FRY: variants seen among roughly 807,000 people sequenced by gnomAD.
The protein encoded by FRY is FRY microtubule binding protein.
Under a neutral mutation model 348.4 loss-of-function variants are expected in FRY, and 128 were observed. The observed-to-expected ratio is 0.37, with a 90% confidence interval of 0.32 to 0.43. The LOEUF is 0.43. FRY is among the 20% of genes least tolerant of loss of function. FRY has a pLI of 1.00. For missense variants in FRY, 2,736 were observed against 3,695.2 expected (o/e 0.74, Z 6.73); for synonymous variants, 1,370 against 1,374.7 (o/e 1.00, Z 0.08).
Position 32,291,509 on chromosome 13 carries a change from G to A in FRY, c.8580+1766G>A, listed in dbSNP as rs144406612. 4.1e-4 allele frequency among the ~76,000 whole-genome samples: 62 copies of A among 151,522 alleles called. 2 individuals carry two copies. The highest frequency in any genetic ancestry group is 2.1e-3 in the South Asian group (10 of 4,790). ...CAACCTCCGCCTCCCAGGTTCAAGC[G>A]ATTCTCCTGCCTCAGTCTCCTGAGT... On this transcript the variant is annotated intron_variant, in intron 59 of 60. Transcript: ENST00000542859.
intron 53 of FRY, among the ~76,000 whole-genome samples, chr13:32,262,955 A>G (rs1887740535): frequency 6.6e-6 from 1 of 152,258 alleles, no homozygotes; most frequent in African/African-American, 2.4e-5. Flanking sequence ...TTTTAATGTC[A>G]ATCACAGTCT....
In FRY at chr13:32,037,317, T is replaced by C. The variant is rs1339917752; in HGVS notation, c.70+5452T>C. Among the ~76,000 whole-genome samples, 3 of 152,374 alleles carry C rather than the reference T, an allele frequency of 2.0e-5. No individual in the cohort carries two copies. The East Asian group carries it at 5.8e-4, about 29-fold the overall frequency. On this transcript the variant is annotated intron_variant, in intron 1 of 60. Coordinates refer to ENST00000542859, the MANE Select transcript of FRY (RefSeq NM_023037.3). Reference sequence around the variant, plus strand: ...AAAAAAGCATGAATGATGTTTACTTTAGAATGGTAGTTTGCTTGCCTTGCT... The same window carrying C: ...AAAAAAGCATGAATGATGTTTACTTCAGAATGGTAGTTTGCTTGCCTTGCT...
At chr13:32,241,870 T>C (rs1886526756) in intron 46 of FRY, among the ~76,000 whole-genome samples, 1 of 152,252 alleles carries the variant, frequency 6.6e-6, no homozygotes, top group Non-Finnish European at 1.5e-5. Flanking sequence ...AAGGTCCCAC[T>C]GTATATAATA....
At chr13:32,080,816 C>A (rs557562354) in intron 2 of FRY, among the ~76,000 whole-genome samples, 1 of 152,172 alleles carries the variant, frequency 6.6e-6, no homozygotes, top group Admixed American at 6.5e-5. Flanking sequence ...ACCCTGTAGC[C>A]CTAGAAAAGT....
chr13:32,056,648 C>T (rs1472187996), intron 1 of FRY, among the ~76,000 whole-genome samples: 1 of 152,124 alleles, frequency 6.6e-6, no homozygotes, highest in Non-Finnish European at 1.5e-5. Flanking sequence ...CTCCTTGTCT[C>T]TGAAAGTTTT....
chr13:32,106,099 AAATAT>A (rs1353906076), intron 3 of FRY, among the ~76,000 whole-genome samples: 15 of 148,166 alleles, frequency 1.0e-4, no homozygotes, highest in African/African-American at 3.2e-4. Flanking sequence ...TACTAACATT[AAATAT>A]AATATATTAA....
intron 3 of FRY, among the ~76,000 whole-genome samples, chr13:32,109,275 G>A (rs1415419972): frequency 6.6e-6 from 1 of 152,156 alleles, no homozygotes; most frequent in African/African-American, 2.4e-5. Context: ...TAGGATCTGT[G>A]CAAGGTGCTG....
rs1593821436 is a variant in FRY at position 32,265,412 on chromosome 13, A to G, written c.7780-38A>G. ...AACAGGTTGTCCTGTATGTTTTCTT[A>G]CACATTGGGGGATTCTTTTGTCTTT... On this transcript the variant is annotated intron_variant, in intron 53 of 60. Transcript: ENST00000542859. 8.7e-6 allele frequency: 14 copies of G among 1,605,310 alleles called. No individual in the cohort carries two copies. The East Asian group carries it at 3.1e-4, about 36-fold the overall frequency.
intron 10 of FRY, among the ~76,000 whole-genome samples, chr13:32,135,988 C>T (rs1157425263): frequency 6.6e-6 from 1 of 151,900 alleles, no homozygotes; most frequent in Non-Finnish European, 1.5e-5. Context: ...AGCATTAGAG[C>T]TGCACTCAAT....
At chr13:32,139,931 G>T (rs1371180024) in intron 11 of FRY, among the ~76,000 whole-genome samples, 2 of 151,702 alleles carry the variant, frequency 1.3e-5, no homozygotes, top group Non-Finnish European at 2.9e-5. Context: ...TTGCAGATGA[G>T]AAAAAAATTA....
At chr13:32,168,971 G>A (rs1314901006) in intron 17 of FRY, among the ~76,000 whole-genome samples, 1 of 152,160 alleles carries the variant, frequency 6.6e-6, no homozygotes, top group African/African-American at 2.4e-5. Flanking sequence ...TGAATTCCTG[G>A]CTCTTCCCTT....
At chr13:32,126,395 G>T (rs1386526300) in intron 7 of FRY, among the ~76,000 whole-genome samples, 1 of 152,244 alleles carries the variant, frequency 6.6e-6, no homozygotes, top group Non-Finnish European at 1.5e-5. Context: ...GAGAAACACT[G>T]TCATAACTGA....
chr13:32,281,773 G>C (rs1188456229), intron 58 of FRY, among the ~76,000 whole-genome samples: 1 of 152,188 alleles, frequency 6.6e-6, no homozygotes, highest in Non-Finnish European at 1.5e-5. Flanking sequence ...AACAAAAGAA[G>C]TTGGCAATCC....
In FRY at chr13:32,194,174, T is replaced by C. The variant is rs1298156430; in HGVS notation, c.3623T>C (p.Leu1208Ser). ...CAACTTGGCTGCGAAGTTGTTGTCT[T>C]GCTACTGGAACTTAATCCTGACCAA... ...VHQLGCEVVV[L>S]LLELNPDQIN... Residue 1208 changes from leucine to serine, a missense_variant, in exon 29 of 61, where the codon TTG becomes TCG. Leu to Ser is a moderately radical substitution (Grantham distance 145). This residue lies in a region of FRY where 794 missense variants were observed against 977.0 expected (regional missense o/e 0.81). Transcript: ENST00000542859. 6 of 1,614,000 alleles carry C rather than the reference T, an allele frequency of 3.7e-6. No homozygotes were observed. The East Asian group carries it at 1.3e-4, about 36-fold the overall frequency.
At chr13:32,250,491 T>C (rs1324987287) in intron 49 of FRY, among the ~76,000 whole-genome samples, 1 of 152,192 alleles carries the variant, frequency 6.6e-6, no homozygotes, top group African/African-American at 2.4e-5. Context: ...GGTTTTTCTA[T>C]GGGAGGCCCA....
rs771598365 is a variant in FRY, at chr13:32,178,329, C to T, written c.2574C>T (p.Ser858=). ...ACCCCTGGGTCCTCTGCCTCTTCAG[C>T]TTCCTCCGGCAGGAGAACTTACCCA... ...VKDPWVLCLF[S]FLRQENLPKH... Residue 858 remains serine (S), a synonymous_variant, in exon 21 of 61, where the codon AGC becomes AGT. Transcript: ENST00000542859. The T allele has an allele frequency of 6.2e-7, 1 of 1,614,202 alleles. No homozygotes were observed. The highest frequency in any genetic ancestry group is 2.2e-5 in the East Asian group (1 of 44,882).
intron 4 of FRY, among the ~76,000 whole-genome samples, chr13:32,119,699 G>C (rs1878529627): frequency 6.6e-6 from 1 of 152,030 alleles, no homozygotes; most frequent in Non-Finnish European, 1.5e-5. Flanking sequence ...TGATTTCTGA[G>C]TGCCCTCCTT....
At position 32,212,223 on chromosome 13, in the gene FRY, T is replaced by C. The variant is rs1566137281; in HGVS notation, c.4592-69T>C. The C allele has an allele frequency of 3.5e-6, 3 of 846,338 alleles. No individual in the cohort carries two copies. In the East Asian group the frequency reaches 7.8e-5, roughly 22 times the overall value. 52.4% of individuals were successfully genotyped at this position (846,338 alleles called of 1,614,324 possible). On this transcript the variant is annotated intron_variant, in intron 34 of 60. Transcript: ENST00000542859. Reference sequence around the variant, plus strand: ...ACAGGAAATCTTTCCCTGGAATTACTTGAGACTTGAGCTTGACCCCTCAGC... The same window carrying C: ...ACAGGAAATCTTTCCCTGGAATTACCTGAGACTTGAGCTTGACCCCTCAGC...
chr13:32,113,023 A>T (rs1421770437), intron 3 of FRY, among the ~76,000 whole-genome samples: 5 of 152,156 alleles, frequency 3.3e-5, no homozygotes, highest in Non-Finnish European at 7.3e-5. Context: ...ATGAAAAAAA[A>T]TATTTAATGT....
Sources: gnomAD v4.1 joint callset for allele counts (sites outside exome capture counted in the v4.1 genomes callset) on GRCh38, gnomAD v4.1.1 for gene constraint, gnomAD v4.1.1 regional missense constraint, MANE v1.5 for transcripts, NCBI Gene and HGNC (gene_info 2026-07-23, HGNC 2026-07-21) for gene names.